Variants in COL15A1 observed in about 807,000 individuals in gnomAD.
COL15A1 encodes collagen type XV alpha 1 chain.
Under a neutral mutation model 165.9 loss-of-function variants are expected in COL15A1, and 111 were observed. The observed-to-expected ratio is 0.67, with a 90% CI of 0.57 to 0.78. The LOEUF is 0.78. Among genes scored for constraint, COL15A1 ranks in the 30% least tolerant of loss-of-function variants. The pLI, the probability that COL15A1 is intolerant of heterozygous loss-of-function variation, is 0.00. For missense variants in COL15A1, 1,745 were observed against 1,789.7 expected (o/e 0.98, Z 0.45); for synonymous variants, 659 against 674.8 (o/e 0.98, Z 0.36).
chr9:99,004,597 G>A (rs1358097368), intron 8 of COL15A1, among the ~76,000 whole-genome samples: 1 of 152,178 alleles, frequency 6.6e-6, no homozygotes, highest in Non-Finnish European at 1.5e-5. Flanking sequence ...AGTAGAAGCT[G>A]CACTCTCTGA....
chr9:99,024,268 G>GTTTTTTTTTT lies in COL15A1; in HGVS notation c.1855-598_1855-597insTTTTTTTTTT, dbSNP rs201734908. Among the ~76,000 whole-genome samples, 161 of 131,394 alleles carry GTTTTTTTTTT rather than the reference G, an allele frequency of 1.2e-3. 10 individuals carry two copies. Among genetic ancestry groups the GTTTTTTTTTT allele is most frequent in the East Asian group, 3.9e-3 (17 of 4,368 alleles). The allele number at this position is 131,394 out of a possible 152,430, so 86.2% of individuals were successfully genotyped here. A position where few individuals can be genotyped will look rare whatever the true frequency, so the allele number is the denominator to read the frequency against. ...TAAAAACAAGGCTACACCACAAGCA[G>GTTTTTTTTTT]TTTTTTTTGTTTTTTTGTTTTTTTT... On this transcript the variant is annotated intron_variant, in intron 14 of 41. Transcript: ENST00000375001.
intron 24 of COL15A1, among the ~76,000 whole-genome samples, chr9:99,043,685 A>G (rs563553012): frequency 6.6e-6 from 1 of 152,070 alleles, no homozygotes; most frequent in Admixed American, 6.5e-5. Context: ...GCTTGCTTTG[A>G]TGCTACTGTC....
chr9:99,040,381 T>G, intron 22 of COL15A1, 140 bp from the exon 23 acceptor site: 1 of 1,386,298 alleles, frequency 7.2e-7, no homozygotes, highest in Middle Eastern at 2.1e-4. Flanking sequence ...GGGCCCCTTC[T>G]TCCCTAATGC....
intron 2 of COL15A1, among the ~76,000 whole-genome samples, chr9:98,959,863 T>G (rs995069478): frequency 1.3e-5 from 2 of 152,206 alleles, no homozygotes; most frequent in African/African-American, 4.8e-5. Flanking sequence ...GCACAATGCA[T>G]TCCACACTCC....
intron 13 of COL15A1, among the ~76,000 whole-genome samples, chr9:99,022,650 A>C (rs1209781739): frequency 6.6e-6 from 1 of 151,866 alleles, no homozygotes; most frequent in African/African-American, 2.4e-5. Context: ...ACATGTTCCC[A>C]CCACTGTGAC....
intron 2 of COL15A1, among the ~76,000 whole-genome samples, chr9:98,972,822 G>A (rs1222575693): frequency 6.6e-6 from 1 of 152,196 alleles, no homozygotes; most frequent in Non-Finnish European, 1.5e-5. Context: ...GATGGAGGGG[G>A]ACTGAGGGAA....
rs947346680 is a variant in COL15A1, at chr9:99,049,700, G to T, written c.2804G>T (p.Gly935Val). 6.2e-7 allele frequency: 1 copy of T among 1,613,362 alleles called. No homozygotes were observed. The highest frequency in any genetic ancestry group is 1.7e-5 in the Admixed American group (1 of 59,988). Residue 935 changes from glycine (G) to valine (V), a missense_variant, in exon 29 of 42, where the codon GGC becomes GTC. By Grantham distance (109) the Gly-to-Val change is moderately radical (BLOSUM62 -3). Coordinates refer to ENST00000375001, the MANE Select transcript of COL15A1 (RefSeq NM_001855.5). Reference sequence around the variant, plus strand: ...TTTTTCTTCCTTCAGGGCCCACCTGGCTTACCTGGCCCTCCAGGCCCCCCT... The same window carrying T: ...TTTTTCTTCCTTCAGGGCCCACCTGTCTTACCTGGCCCTCCAGGCCCCCCT... ...DPGVIMQGPP[G>V]LPGPPGPPGP... is the part of the protein sequence containing the mutation.
intron 9 of COL15A1, among the ~76,000 whole-genome samples, chr9:99,008,943 G>A (rs1051782818): frequency 1.3e-5 from 2 of 152,168 alleles, no homozygotes; most frequent in Admixed American, 1.3e-4. Flanking sequence ...TAGCTCAAAA[G>A]AAAAGTTTTC....
intron 23 of COL15A1, 69 bp from the exon 24 acceptor site, chr9:99,041,976 A>G (rs1435719385): frequency 7.7e-6 from 8 of 1,033,354 alleles, no homozygotes; most frequent in Non-Finnish European, 1.0e-5. Flanking sequence ...GAGAAAAAAT[A>G]TATTTCTGAT....
intron 28 of COL15A1, among the ~76,000 whole-genome samples, chr9:99,049,047 A>G (rs1250275746): frequency 6.6e-6 from 1 of 152,168 alleles, no homozygotes; most frequent in Admixed American, 6.5e-5. Context: ...GGCAAACCAG[A>G]CACTGACGCC....
intron 16 of COL15A1, 143 bp downstream of exon 16, chr9:99,026,109 T>A: frequency 1.4e-6 from 1 of 737,558 alleles, no homozygotes; most frequent in Non-Finnish European, 2.2e-6. Flanking sequence ...CTGCTGGATG[T>A]CTCCATCATG....
intron 24 of COL15A1, among the ~76,000 whole-genome samples, 191 bp downstream of exon 24, chr9:99,042,298 C>T (rs1332101726): frequency 6.6e-6 from 1 of 152,216 alleles, no homozygotes; most frequent in African/African-American, 2.4e-5. Flanking sequence ...TCATGAACCA[C>T]TCTGTAATTC....
chr9:98,985,783 C>T lies in COL15A1; in HGVS notation c.319C>T (p.Leu107Phe). The T allele has an allele frequency of 1.2e-6, 2 of 1,614,042 alleles. No individual in the cohort carries two copies. Among genetic ancestry groups the T allele is most frequent in the Non-Finnish European group, 1.7e-6 (2 of 1,180,016 alleles). The change falls in exon 3 of 42, where the codon CTC becomes TTC. Residue 107 changes from leucine (L) to phenylalanine (F), a missense_variant. Coordinates refer to ENST00000375001, the MANE Select transcript of COL15A1 (RefSeq NM_001855.5). ...GCCCAGCAGCACCCGTGGTGGCGTG[C>T]TCTTCGCCATCACTGACGCCTTCCA... ...VKPSSTRGGVLFAITDAFQKV... is the reference protein window; with the variant it reads ...VKPSSTRGGVFFAITDAFQKV...
At chr9:99,020,582 T>C in intron 12 of COL15A1, 140 bp downstream of exon 12, 1 of 644,242 alleles carries the variant, frequency 1.6e-6, no homozygotes, top group South Asian at 1.8e-5. Context: ...GAAATGGACT[T>C]GTAGGTCTGG....
chr9:99,034,590 A>G lies in COL15A1; in HGVS notation c.2079+6A>G. 2.5e-6 allele frequency: 2 copies of G among 790,862 alleles called. No individual in the cohort carries two copies. The highest frequency in any genetic ancestry group is 3.2e-5 in the South Asian group (1 of 31,020). The allele number at this position is 790,862 out of a possible 1,614,324, so 49.0% of individuals were successfully genotyped here. On this transcript the variant is annotated splice_donor_region_variant and intron_variant, in intron 17 of 41. Coordinates refer to ENST00000375001, the MANE Select transcript of COL15A1 (RefSeq NM_001855.5). ...ATGGCTCAGTTGGTGAAAAGGTAAA[A>G]AAAAAAAAAAAAAAAAAAAAAAAAG...
chr9:99,034,174 G>A (rs6478968), intron 16 of COL15A1, among the ~76,000 whole-genome samples: 2,426 of 152,234 alleles, frequency 0.016, 56 homozygotes, highest in African/African-American at 0.056. Context: ...CCCTTCCCTC[G>A]CTTTAGAGTG....
At chr9:99,019,850 A>G (rs998715900) in intron 11 of COL15A1, among the ~76,000 whole-genome samples, 5 of 152,128 alleles carry the variant, frequency 3.3e-5, no homozygotes, top group African/African-American at 1.2e-4. Flanking sequence ...AGGCCCAGAA[A>G]GGATTAGAGC....
intron 21 of COL15A1, among the ~76,000 whole-genome samples, chr9:99,036,957 A>C (rs1588527207): frequency 6.6e-6 from 1 of 152,162 alleles, no homozygotes. Context: ...AGGTCCCTCC[A>C]CCTCACCACG....
In COL15A1 at chr9:98,995,115, C is replaced by T. The variant is rs571302480; in HGVS notation, c.805-1819C>T. ...AGAGATGAGCATTCAGGGGCTTGAGCATTGGTTCCTGAACAAGTGATGGAG... is the reference window on the plus strand; with the variant it reads ...AGAGATGAGCATTCAGGGGCTTGAGTATTGGTTCCTGAACAAGTGATGGAG... On this transcript the variant is annotated intron_variant, in intron 5 of 41. Transcript: ENST00000375001. Among the ~76,000 whole-genome samples, 8 of 152,310 alleles carry T rather than the reference C, an allele frequency of 5.3e-5. No individual in the cohort carries two copies. The South Asian group carries it at 1.5e-3, about 28-fold the overall frequency.
Sources: allele counts gnomAD v4.1 joint callset (sites outside exome capture counted in the v4.1 genomes callset), GRCh38; gene constraint gnomAD v4.1.1; transcripts MANE v1.5; gene names NCBI Gene and HGNC (gene_info 2026-07-23, HGNC 2026-07-21).